The following SGIP1 variants were observed in gnomAD, a reference collection of about 807,000 sequenced individuals.
SGIP1 encodes SH3-containing GRB2-like protein 3-interacting protein 1.
A neutral mutation model predicts 107.5 loss-of-function variants in SGIP1; 38 were observed. The ratio of observed to expected loss-of-function variants is 0.35; its 90% CI spans 0.27 to 0.46. The LOEUF (loss-of-function observed/expected upper bound fraction) is 0.46, where lower values mean the gene tolerates loss of function less well. Ranked by LOEUF, SGIP1 falls within the 20% of genes least tolerant of loss-of-function variation. The pLI is 1.00. For synonymous variants in SGIP1, 365 were observed against 366.1 expected (o/e 1.00, Z 0.03); for missense variants, 929 against 1,019.5 (o/e 0.91, Z 1.21).
intron 1 of SGIP1, among the ~76,000 whole-genome samples, chr1:66,569,618 AT>A (rs1466429002): frequency 2.0e-5 from 3 of 151,690 alleles, no homozygotes; most frequent in Non-Finnish European, 4.4e-5. Flanking sequence ...GTGGTATATA[AT>A]TTTTTTATAC....
At chr1:66,633,145 A>G in intron 3 of SGIP1, 51 bp downstream of exon 3, 3 of 1,233,712 alleles carry the variant, frequency 2.4e-6, no homozygotes, top group Non-Finnish European at 3.5e-6. Context: ...AATATATGCT[A>G]TGTTTAAATT....
At chr1:66,694,864 C>G (rs1158901566) in intron 17 of SGIP1, 1 of 241,650 alleles carries the variant, frequency 4.1e-6, no homozygotes, top group Non-Finnish European at 7.8e-6. Flanking sequence ...ATCTTGTTTT[C>G]TCTTTGATAC....
chr1:66,626,312 C>T (rs2072759492), intron 2 of SGIP1, among the ~76,000 whole-genome samples: 2 of 151,922 alleles, frequency 1.3e-5, no homozygotes, highest in African/African-American at 2.4e-5. Context: ...TAGACCTAGC[C>T]AGAAACAGAA....
intron 24 of SGIP1, among the ~76,000 whole-genome samples, chr1:66,742,460 C>CTTTTTTTTTTTTTTTT (rs764080079): frequency 0.015 from 683 of 45,086 alleles, 235 homozygotes; most frequent in Non-Finnish European, 0.018. Flanking sequence ...AGCACCCTTT[C>CTTTTTTTTTTTTTTTT]TTTTTTTTTT....
intron 15 of SGIP1, among the ~76,000 whole-genome samples, chr1:66,687,864 G>C (rs1032852839): frequency 6.6e-6 from 1 of 152,188 alleles, no homozygotes; most frequent in African/African-American, 2.4e-5. Context: ...GGTTTCACAC[G>C]AATGTGATTA....
chr1:66,577,480 C>T (rs1045936497), intron 1 of SGIP1, among the ~76,000 whole-genome samples: 7 of 152,114 alleles, frequency 4.6e-5, no homozygotes, highest in Admixed American at 1.3e-4. Context: ...TCATCCTTCC[C>T]GGCTTCTTAT....
chr1:66,671,431 C>T (rs189591334), intron 10 of SGIP1, among the ~76,000 whole-genome samples: 10 of 152,100 alleles, frequency 6.6e-5, no homozygotes, highest in Admixed American at 4.6e-4. Flanking sequence ...CAAAGTGATG[C>T]GATATAGGTT....
intron 1 of SGIP1, among the ~76,000 whole-genome samples, chr1:66,618,168 GT>G (rs1207391619): frequency 2.0e-5 from 3 of 152,168 alleles, no homozygotes; most frequent in Non-Finnish European, 2.9e-5. Context: ...GCTAAATTGA[GT>G]TTTTAGTGTA....
At chr1:66,682,409 T>A (rs1289959515) in intron 15 of SGIP1, 40 bp downstream of exon 15, 1 of 1,567,634 alleles carries the variant, frequency 6.4e-7, no homozygotes, top group Non-Finnish European at 8.6e-7. Context: ...TGACGGGGAA[T>A]GGCCATGGCT....
intron 18 of SGIP1, among the ~76,000 whole-genome samples, chr1:66,699,329 C>T (rs2091517250): frequency 6.6e-6 from 1 of 152,148 alleles, no homozygotes; most frequent in African/African-American, 2.4e-5. Context: ...CACCCTCTTC[C>T]ACTCCTTATT....
chr1:66,708,001 T>C (rs2150311057), intron 18 of SGIP1, among the ~76,000 whole-genome samples: 2 of 152,322 alleles, frequency 1.3e-5, no homozygotes, highest in Admixed American at 1.3e-4. Flanking sequence ...TTTGGGGTGA[T>C]ACTTCTGCTT....
At chr1:66,681,360 C>T (rs2086653088) in intron 14 of SGIP1, among the ~76,000 whole-genome samples, 1 of 152,112 alleles carries the variant, frequency 6.6e-6, no homozygotes, top group Non-Finnish European at 1.5e-5. Context: ...ATCAGTTTCA[C>T]CAAAGTCTTG....
At chr1:66,728,174 A>G (rs557819136) in intron 19 of SGIP1, among the ~76,000 whole-genome samples, 1 of 152,322 alleles carries the variant, frequency 6.6e-6, no homozygotes, top group South Asian at 2.1e-4. Flanking sequence ...CAAGGCAAAA[A>G]CTTTACCTCA....
rs1387625982 is a variant in SGIP1 at position 66,749,121 on chromosome 1, A to G, written c.*6026A>G. 6.7e-6 allele frequency among the ~76,000 whole-genome samples: 1 copy of G among 148,312 alleles called. No individual in the cohort carries two copies. The highest frequency in any genetic ancestry group is 1.9e-4 in the East Asian group (1 of 5,196). ...AGTGAATTTAACTTTATCATCTAAA[A>G]TATTCAAAACAAAACAATAAAATTA... On this transcript the variant is annotated 3_prime_UTR_variant, in exon 25 of 25. Transcript: ENST00000371037.
At chr1:66,705,300 A>G (rs1477044779) in intron 18 of SGIP1, among the ~76,000 whole-genome samples, 1 of 152,186 alleles carries the variant, frequency 6.6e-6, no homozygotes, top group Non-Finnish European at 1.5e-5. Context: ...TGTGTTTACA[A>G]CTGTGTTTCT....
intron 15 of SGIP1, among the ~76,000 whole-genome samples, chr1:66,686,681 T>C (rs941192138): frequency 6.6e-6 from 1 of 152,206 alleles, no homozygotes; most frequent in Non-Finnish European, 1.5e-5. Flanking sequence ...TTAACTGAAA[T>C]ATCCTTTTGC....
chr1:66,644,553 T>A (rs1225382149), intron 7 of SGIP1, among the ~76,000 whole-genome samples: 1 of 123,456 alleles, frequency 8.1e-6, no homozygotes, highest in Non-Finnish European at 1.6e-5. Flanking sequence ...TGGCATCTTC[T>A]TTAGAGAGAT....
At chr1:66,626,971 G>A (rs2072972947) in intron 2 of SGIP1, among the ~76,000 whole-genome samples, 1 of 152,114 alleles carries the variant, frequency 6.6e-6, no homozygotes, top group South Asian at 2.1e-4. Context: ...ACAAGATCCT[G>A]AGTATTTCCC....
In SGIP1 at chr1:66,663,615, C is replaced by A. The variant is rs1557522001; in HGVS notation, c.471+3091C>A. Among the ~76,000 whole-genome samples, 6 of 152,202 alleles carry A rather than the reference C, an allele frequency of 3.9e-5. No individual in the cohort carries two copies. The South Asian group carries it at 1.2e-3, about 32-fold the overall frequency. On this transcript the variant is annotated intron_variant, in intron 8 of 24. Coordinates refer to ENST00000371037, the MANE Select transcript of SGIP1 (RefSeq NM_032291.4). ...TCTTAATTATAGACCTTGAGGCTTT[C>A]TGGGTCTGTACTTTGCACAGCTTCT...
Sources: allele counts gnomAD v4.1 joint callset (sites outside exome capture counted in the v4.1 genomes callset), GRCh38; gene constraint gnomAD v4.1.1; transcripts MANE v1.5; gene names NCBI Gene and HGNC (gene_info 2026-07-23, HGNC 2026-07-21).